The following TMEM108 variants were observed in gnomAD, a reference collection of about 807,000 sequenced individuals.
The protein encoded by TMEM108 is transmembrane protein 108.
In TMEM108, 12 loss-of-function variants were observed where a neutral mutation model predicts 35.1. That is an observed-to-expected ratio of 0.34 (90% CI 0.22 to 0.55). The LOEUF (loss-of-function observed/expected upper bound fraction) is 0.55. Ranked by LOEUF, TMEM108 falls within the 20% of genes least tolerant of loss-of-function variation. TMEM108 has a pLI of 0.89. For synonymous variants in TMEM108, 287 were observed against 308.6 expected (o/e 0.93, Z 0.73); for missense variants, 680 against 753.3 (o/e 0.90, Z 1.14).
chr3:133,352,094 T>G lies in TMEM108; in HGVS notation c.41-27658T>G, dbSNP rs151003302. On this transcript the variant is annotated intron_variant, in intron 3 of 5. Transcript: ENST00000321871. ...ACCTTGGGTAATCTCATGACCACTTTGAGCATCTTATTTACAAATTTATTT... is the reference window on the plus strand; with the variant it reads ...ACCTTGGGTAATCTCATGACCACTTGGAGCATCTTATTTACAAATTTATTT... Among the ~76,000 whole-genome samples the G allele has an allele frequency of 2.5e-3, 384 of 152,292 alleles. 1 individual carries two copies. The highest frequency in any genetic ancestry group is 8.7e-3 in the African/African-American group (362 of 41,564).
At chr3:133,089,074 A>G (rs925837615) in intron 2 of TMEM108, among the ~76,000 whole-genome samples, 1 of 150,898 alleles carries the variant, frequency 6.6e-6, no homozygotes, top group African/African-American at 2.4e-5. Context: ...GCGGTGTTAT[A>G]CACTTTTAAA....
At chr3:133,373,371 TTAGATAGATAGATGA>T (rs1271089486) in intron 3 of TMEM108, among the ~76,000 whole-genome samples, 2 of 135,156 alleles carry the variant, frequency 1.5e-5, no homozygotes, top group East Asian at 2.0e-4. Context: ...AAAAAGAAAT[TTAGATAGATAGATGA>T]TAGATAGATA....
At chr3:133,279,482 T>A (rs1044280299) in intron 3 of TMEM108, among the ~76,000 whole-genome samples, 1 of 152,212 alleles carries the variant, frequency 6.6e-6, no homozygotes, top group Non-Finnish European at 1.5e-5. Flanking sequence ...CTGCTCACCC[T>A]TGGGTAGGTT....
chr3:133,133,695 C>CTTTTTTTTTTTTTTT (rs543867505), intron 2 of TMEM108, among the ~76,000 whole-genome samples: 1 of 135,560 alleles, frequency 7.4e-6, no homozygotes, highest in African/African-American at 2.7e-5. Context: ...TTTTTTCTTT[C>CTTTTTTTTTTTTTTT]TTTTTTTTTT....
intron 2 of TMEM108, among the ~76,000 whole-genome samples, chr3:133,102,721 T>C (rs898813727): frequency 3.2e-4 from 49 of 152,214 alleles, no homozygotes; most frequent in Non-Finnish European, 1.5e-4. Flanking sequence ...TAAGACACAT[T>C]CAGTGTCCCT....
intron 3 of TMEM108, among the ~76,000 whole-genome samples, chr3:133,259,825 T>C (rs760491742): frequency 6.6e-6 from 1 of 152,176 alleles, no homozygotes; most frequent in Non-Finnish European, 1.5e-5. Context: ...AATGGGTCTC[T>C]CAGGAGATCA....
At chr3:133,052,824 C>T (rs935897325) in intron 2 of TMEM108, among the ~76,000 whole-genome samples, 1 of 152,184 alleles carries the variant, frequency 6.6e-6, no homozygotes, top group African/African-American at 2.4e-5. Context: ...GCTCTCTGGT[C>T]ACAAAATGCC....
At position 133,359,574 on chromosome 3, in the gene TMEM108, TG is replaced by T. The variant is rs2072282421; in HGVS notation, c.41-20177del. The stretch of plus-strand genomic sequence containing the variant: ...TTTTAATTGTGTCTGGAAAGGTCCA[TG>T]AGGAACTGGTAATGCTACTCACCTT... On this transcript the variant is annotated intron_variant, in intron 3 of 5. Transcript: ENST00000321871. Among the ~76,000 whole-genome samples, 9 of 152,296 alleles carry T rather than the reference TG, an allele frequency of 5.9e-5. No homozygotes were observed. In the South Asian group the frequency reaches 1.9e-3, roughly 32 times the overall value.
intron 2 of TMEM108, among the ~76,000 whole-genome samples, chr3:133,093,360 C>G (rs9859356): frequency 0.23 from 34,779 of 152,132 alleles, 4,758 homozygotes; most frequent in Non-Finnish European, 0.3. Flanking sequence ...ATGCTGTTTG[C>G]AGTTAGAACT....
At chr3:133,381,241 T>C (rs1451987220) in intron 4 of TMEM108, 80 bp downstream of exon 4, 19 of 1,447,368 alleles carry the variant, frequency 1.3e-5, no homozygotes, top group Non-Finnish European at 1.3e-5. Flanking sequence ...GTCCCTGATT[T>C]GGCATCCTTG....
chr3:133,059,513 A>G (rs373797132), intron 2 of TMEM108, among the ~76,000 whole-genome samples: 2 of 152,324 alleles, frequency 1.3e-5, no homozygotes, highest in East Asian at 1.9e-4. Flanking sequence ...AATCTCAGGA[A>G]ACATGAGCTC....
intron 2 of TMEM108, among the ~76,000 whole-genome samples, chr3:133,113,675 C>T (rs1383835470): frequency 6.6e-6 from 1 of 152,130 alleles, no homozygotes; most frequent in African/African-American, 2.4e-5. Context: ...CCTCAACCCA[C>T]CCCTACCCTT....
intron 3 of TMEM108, among the ~76,000 whole-genome samples, chr3:133,274,702 G>A (rs1278346735): frequency 6.6e-6 from 1 of 152,162 alleles, no homozygotes; most frequent in Non-Finnish European, 1.5e-5. Flanking sequence ...ATGACAACCT[G>A]CCCACTGCAA....
At chr3:133,178,911 C>G (rs1036056688) in intron 2 of TMEM108, among the ~76,000 whole-genome samples, 62 of 152,246 alleles carry the variant, frequency 4.1e-4, no homozygotes, top group African/African-American at 1.4e-3. Context: ...ATCTACTCAT[C>G]TGACAAAGGG....
intron 5 of TMEM108, 148 bp downstream of exon 5, chr3:133,390,482 T>C (rs1268826992): frequency 4.5e-6 from 4 of 879,670 alleles, no homozygotes; most frequent in Non-Finnish European, 7.0e-6. Context: ...TTGTAGGCCC[T>C]ACCCTGGTCC....
chr3:133,294,527 T>A (rs913603737), intron 3 of TMEM108, among the ~76,000 whole-genome samples: 3 of 152,184 alleles, frequency 2.0e-5, no homozygotes, highest in Non-Finnish European at 4.4e-5. Flanking sequence ...ATATAATGAT[T>A]ATTTCTGGAG....
intron 2 of TMEM108, among the ~76,000 whole-genome samples, chr3:133,193,978 T>C (rs9878580): frequency 0.4 from 59,297 of 148,044 alleles, 12,182 homozygotes; most frequent in Middle Eastern, 0.49. Context: ...ACTCTGTCAC[T>C]CAGGCTGGAG....
At chr3:133,215,907 T>A (rs1945901137) in intron 2 of TMEM108, among the ~76,000 whole-genome samples, 2 of 152,168 alleles carry the variant, frequency 1.3e-5, no homozygotes, top group Admixed American at 1.3e-4. Context: ...TGTTAAATGC[T>A]TATATTTTCC....
intron 3 of TMEM108, among the ~76,000 whole-genome samples, chr3:133,293,772 T>C (rs932075236): frequency 3.9e-5 from 6 of 152,166 alleles, no homozygotes; most frequent in African/African-American, 1.2e-4. Flanking sequence ...GAGGGTTTTT[T>C]TTTAACATAT....
Sources: allele counts gnomAD v4.1 joint callset (sites outside exome capture counted in the v4.1 genomes callset), GRCh38; gene constraint gnomAD v4.1.1; transcripts MANE v1.5; gene names NCBI Gene and HGNC (gene_info 2026-07-23, HGNC 2026-07-21).